CDH8: variants seen among roughly 807,000 people sequenced by gnomAD.
CDH8 encodes cadherin 8.
In CDH8, 17 loss-of-function variants were observed where a neutral mutation model predicts 68.1. That is an observed-to-expected ratio of 0.25 (90% CI 0.17 to 0.37). The LOEUF is 0.37. CDH8 is among the 10% of genes least tolerant of loss of function. The probability of loss-of-function intolerance (pLI) is 1.00; values close to 1 mark genes in which losing one functional copy is unlikely to be tolerated. For missense variants in CDH8, 763 were observed against 999.3 expected, an observed-to-expected ratio of 0.76 and a Z score of 3.19; for synonymous variants, 372 against 365.1, an observed-to-expected ratio of 1.02 and a Z score of -0.21.
At chr16:61,953,545 T>C in intron 2 of CDH8, among the ~76,000 whole-genome samples, 1 of 150,378 alleles carries the variant, frequency 6.6e-6, no homozygotes, top group East Asian at 2.0e-4. Flanking sequence ...AATTTCTGAG[T>C]ATGAGACCAA....
chr16:61,663,145 G>T (rs992019473), intron 10 of CDH8, among the ~76,000 whole-genome samples: 3 of 151,936 alleles, frequency 2.0e-5, no homozygotes, highest in African/African-American at 7.2e-5. Context: ...GAAATACAAG[G>T]TATGTGCCAA....
chr16:61,894,582 G>C (rs568965232), intron 3 of CDH8, among the ~76,000 whole-genome samples: 1 of 152,190 alleles, frequency 6.6e-6, no homozygotes, highest in Non-Finnish European at 1.5e-5. Context: ...CAATACATTT[G>C]TACAACATTT....
intron 2 of CDH8, among the ~76,000 whole-genome samples, chr16:61,963,201 A>G (rs1249640632): frequency 6.6e-6 from 1 of 152,138 alleles, no homozygotes; most frequent in Non-Finnish European, 1.5e-5. Flanking sequence ...ATGATAAGGC[A>G]TGGTGGGGAG....
intron 10 of CDH8, among the ~76,000 whole-genome samples, chr16:61,676,775 T>A (rs145608136): frequency 1.3e-5 from 2 of 152,188 alleles, no homozygotes; most frequent in East Asian, 3.9e-4. Flanking sequence ...TTCATTGACA[T>A]TGTCATCCTA....
At chr16:61,776,405 T>C (rs1458033464) in intron 8 of CDH8, among the ~76,000 whole-genome samples, 2 of 151,352 alleles carry the variant, frequency 1.3e-5, no homozygotes, top group African/African-American at 4.9e-5. Flanking sequence ...ACTAATAACC[T>C]CTATTGTTAT....
intron 4 of CDH8, among the ~76,000 whole-genome samples, chr16:61,841,973 T>C (rs962981916): frequency 1.3e-5 from 2 of 151,940 alleles, no homozygotes; most frequent in Non-Finnish European, 2.9e-5. Flanking sequence ...CTGCAAGCTC[T>C]GCCTCCCAGG....
At chr16:61,844,143 G>A (rs1962748867) in intron 4 of CDH8, among the ~76,000 whole-genome samples, 1 of 151,778 alleles carries the variant, frequency 6.6e-6, no homozygotes, top group Admixed American at 6.6e-5. Flanking sequence ...GGATGAAACT[G>A]GAAACCATCA....
At chr16:61,738,643 A>T (rs1273952236) in intron 8 of CDH8, among the ~76,000 whole-genome samples, 1 of 152,176 alleles carries the variant, frequency 6.6e-6, no homozygotes, top group Non-Finnish European at 1.5e-5. Flanking sequence ...GTTTATAAAA[A>T]TCAATAGTGT....
intron 2 of CDH8, among the ~76,000 whole-genome samples, chr16:62,015,024 C>G (rs188187569): frequency 4.6e-5 from 7 of 152,010 alleles, no homozygotes; most frequent in African/African-American, 7.2e-5. Context: ...CACAAACACA[C>G]ACACACACAC....
intron 10 of CDH8, among the ~76,000 whole-genome samples, chr16:61,702,571 A>C (rs16963865): frequency 0.025 from 3,835 of 152,214 alleles, 160 homozygotes; most frequent in African/African-American, 0.087. Context: ...GTAATACCTG[A>C]AATAGATCAT....
At chr16:61,965,011 T>C (rs534342042) in intron 2 of CDH8, among the ~76,000 whole-genome samples, 13 of 152,290 alleles carry the variant, frequency 8.5e-5, no homozygotes, top group African/African-American at 2.9e-4. Flanking sequence ...CCTACCTCCA[T>C]CTACCCCAAG....
At chr16:61,846,671 T>A (rs1962812765) in intron 4 of CDH8, among the ~76,000 whole-genome samples, 5 of 152,086 alleles carry the variant, frequency 3.3e-5, no homozygotes, top group Admixed American at 3.3e-4. Context: ...AGATTTTATT[T>A]CCTTACATGA....
intron 2 of CDH8, among the ~76,000 whole-genome samples, chr16:61,922,208 G>C (rs776004612): frequency 6.6e-6 from 1 of 152,114 alleles, no homozygotes; most frequent in Non-Finnish European, 1.5e-5. Flanking sequence ...CCAGGCCTTT[G>C]ATAACAAATA....
At chr16:61,700,307 G>A (rs543639866) in intron 10 of CDH8, among the ~76,000 whole-genome samples, 5 of 148,350 alleles carry the variant, frequency 3.4e-5, no homozygotes, top group South Asian at 2.1e-4. Flanking sequence ...TTGAGACGGC[G>A]TCTCACTCTG....
At chr16:61,692,745 G>A (rs950003898) in intron 10 of CDH8, 2 of 151,976 alleles carry the variant, frequency 1.3e-5, no homozygotes, top group African/African-American at 4.8e-5. Context: ...TTTTTCTCTG[G>A]AGAAAACTAA....
chr16:61,819,809 C>T (rs961224680), intron 6 of CDH8, among the ~76,000 whole-genome samples: 1 of 152,016 alleles, frequency 6.6e-6, no homozygotes, highest in Non-Finnish European at 1.5e-5. Flanking sequence ...AAATTATTGA[C>T]TCCCAATAGT....
intron 8 of CDH8, among the ~76,000 whole-genome samples, chr16:61,774,459 GAAA>G (rs11318433): frequency 8.6e-4 from 106 of 123,160 alleles, no homozygotes; most frequent in African/African-American, 2.6e-3. Flanking sequence ...ATCACTCAGG[GAAA>G]AAAAAAAAAA....
At chr16:61,799,797 T>C (rs1355334941) in intron 7 of CDH8, among the ~76,000 whole-genome samples, 1 of 152,200 alleles carries the variant, frequency 6.6e-6, no homozygotes, top group Admixed American at 6.5e-5. Context: ...TAAATGAGTA[T>C]ATAATTTGAA....
chr16:61,835,211 C>T (rs552269064), intron 4 of CDH8, among the ~76,000 whole-genome samples: 1 of 151,962 alleles, frequency 6.6e-6, no homozygotes, highest in East Asian at 1.9e-4. Flanking sequence ...GGCTTGAAAG[C>T]TTTAAATCAG....
Sources: gnomAD v4.1 joint callset for allele counts (sites outside exome capture counted in the v4.1 genomes callset) on GRCh38, gnomAD v4.1.1 for gene constraint, MANE v1.5 for transcripts, NCBI Gene and HGNC (gene_info 2026-07-23, HGNC 2026-07-21) for gene names.